Variants in PHF21A observed in about 807,000 individuals in gnomAD.
PHF21A encodes BHC80a.
In PHF21A, 11 loss-of-function variants were observed where a neutral mutation model predicts 82.5. The ratio of observed to expected loss-of-function variants is 0.13; its 90% CI spans 0.08 to 0.22. The LOEUF is 0.22. Ranked by LOEUF, PHF21A falls within the 10% of genes least tolerant of loss-of-function variation. The probability of loss-of-function intolerance (pLI) is 1.00; values close to 1 mark genes in which losing one functional copy is unlikely to be tolerated. For missense variants in PHF21A, 579 were observed against 837.8 expected (o/e 0.69, Z 3.81); for synonymous variants, 297 against 302.8 (o/e 0.98, Z 0.20).
At chr11:46,056,381 C>G (rs2096457185) in intron 6 of PHF21A, among the ~76,000 whole-genome samples, 1 of 152,022 alleles carries the variant, frequency 6.6e-6, no homozygotes, top group Non-Finnish European at 1.5e-5. Context: ...CCAATTATGT[C>G]TGGGTTAAAT....
intron 1 of PHF21A, among the ~76,000 whole-genome samples, chr11:46,109,043 G>A (rs1190524206): frequency 1.3e-5 from 2 of 152,066 alleles, no homozygotes; most frequent in Admixed American, 6.5e-5. Flanking sequence ...GCCTCAAAAT[G>A]ATACACTGTA....
chr11:45,946,048 AAG>A, intron 14 of PHF21A, 45 bp from the exon 15 acceptor site: 1 of 1,614,032 alleles, frequency 6.2e-7, no homozygotes, highest in Non-Finnish European at 8.5e-7. Context: ...CGGGGAGGGA[AAG>A]AGAGGGGGAA....
At chr11:46,108,587 A>AT (rs61091054) in intron 1 of PHF21A, among the ~76,000 whole-genome samples, 56,052 of 114,052 alleles carry the variant, frequency 0.49, 12,103 homozygotes, top group South Asian at 0.62. Flanking sequence ...ATATATATAT[A>AT]AAATACATAT....
intron 11 of PHF21A, among the ~76,000 whole-genome samples, chr11:45,951,108 T>G (rs2092050048): frequency 6.6e-6 from 1 of 152,244 alleles, no homozygotes. Context: ...ATTTCTATTC[T>G]TTTCTTTGCT....
intron 1 of PHF21A, among the ~76,000 whole-genome samples, chr11:46,108,827 T>C (rs1159123267): frequency 6.6e-6 from 1 of 152,122 alleles, no homozygotes; most frequent in African/African-American, 2.4e-5. Context: ...TTAAACTAAC[T>C]TACACTGTGC....
At chr11:46,041,733 A>G (rs2096145227) in intron 6 of PHF21A, among the ~76,000 whole-genome samples, 1 of 152,204 alleles carries the variant, frequency 6.6e-6, no homozygotes, top group Non-Finnish European at 1.5e-5. Flanking sequence ...AGTTCATAGT[A>G]TAGTGATCCC....
intron 1 of PHF21A, among the ~76,000 whole-genome samples, chr11:46,095,259 C>T (rs1437584947): frequency 3.3e-5 from 5 of 152,008 alleles, no homozygotes; most frequent in East Asian, 1.9e-4. Flanking sequence ...TCTATACACA[C>T]GTTTGTGCTT....
At chr11:46,038,886 T>C (rs1355285825) in intron 6 of PHF21A, among the ~76,000 whole-genome samples, 3 of 152,256 alleles carry the variant, frequency 2.0e-5, no homozygotes, top group East Asian at 1.9e-4. Context: ...TGCTGCCACA[T>C]TGGGGATTAA....
chr11:45,947,324 G>A (rs1274459574), intron 14 of PHF21A, among the ~76,000 whole-genome samples: 2 of 152,132 alleles, frequency 1.3e-5, no homozygotes, highest in African/African-American at 2.4e-5. Context: ...GGAAAAAAAA[G>A]GGCCAGAGAG....
At chr11:45,952,834 A>G (rs982157498) in intron 11 of PHF21A, among the ~76,000 whole-genome samples, 2 of 152,250 alleles carry the variant, frequency 1.3e-5, no homozygotes, top group African/African-American at 4.8e-5. Flanking sequence ...ATTCATCATC[A>G]TATTACCTGT....
intron 13 of PHF21A, 103 bp from the exon 14 acceptor site, chr11:45,949,049 C>T (rs1037268040): frequency 1.7e-5 from 15 of 877,130 alleles, no homozygotes; most frequent in Non-Finnish European, 2.9e-5. Flanking sequence ...AACATGCCGA[C>T]TAGTTAGTGC....
At position 45,948,855 on chromosome 11, in the gene PHF21A, C is replaced by G. The variant is rs781558985; in HGVS notation, c.1288+31G>C. The G allele has an allele frequency of 3.8e-6, 6 of 1,564,256 alleles. No homozygotes were observed. The South Asian group carries it at 6.7e-5, about 17-fold the overall frequency. On this transcript the variant is annotated intron_variant, in intron 14 of 18. Transcript: ENST00000676320. ...CACACACACAAAGCAAAAGCAACAG[C>G]AGCAAGGGAGAGATACAAAAAGGTC...
chr11:45,952,647 A>T (rs1012712436), intron 11 of PHF21A, among the ~76,000 whole-genome samples: 2 of 152,230 alleles, frequency 1.3e-5, no homozygotes, highest in Non-Finnish European at 2.9e-5. Flanking sequence ...TTCATATCAG[A>T]AAGAATTACA....
intron 1 of PHF21A, among the ~76,000 whole-genome samples, chr11:46,100,622 T>C (rs769235437): frequency 2.6e-5 from 4 of 152,204 alleles, no homozygotes; most frequent in Non-Finnish European, 5.9e-5. Context: ...AATAACATCA[T>C]AACATTAAAG....
At chr11:45,966,447 A>G (rs942527672) in intron 9 of PHF21A, among the ~76,000 whole-genome samples, 2 of 152,022 alleles carry the variant, frequency 1.3e-5, no homozygotes, top group African/African-American at 4.8e-5. Flanking sequence ...TCACTCCACT[A>G]TCTACTATCC....
At chr11:45,950,347 A>C in intron 11 of PHF21A, 90 bp from the exon 12 acceptor site, 1 of 1,059,774 alleles carries the variant, frequency 9.4e-7, no homozygotes, top group Non-Finnish European at 1.4e-6. Flanking sequence ...AGGGAAAGCC[A>C]GCCCAATGGG....
At chr11:46,109,203 T>C (rs2097184033) in intron 1 of PHF21A, among the ~76,000 whole-genome samples, 1 of 152,220 alleles carries the variant, frequency 6.6e-6, no homozygotes, top group Non-Finnish European at 1.5e-5. Flanking sequence ...GTATCATTTG[T>C]TACCTATGTG....
At chr11:46,102,907 A>T (rs990226174) in intron 1 of PHF21A, among the ~76,000 whole-genome samples, 1 of 152,208 alleles carries the variant, frequency 6.6e-6, no homozygotes, top group African/African-American at 2.4e-5. Flanking sequence ...TTTAAGAGAA[A>T]TAGAAATAAA....
intron 6 of PHF21A, among the ~76,000 whole-genome samples, chr11:46,002,998 A>G (rs1272947699): frequency 6.6e-6 from 1 of 152,208 alleles, no homozygotes; most frequent in Admixed American, 6.5e-5. Flanking sequence ...TTTTCTAAAG[A>G]TTGAATACTA....
Sources: allele counts gnomAD v4.1 joint callset (sites outside exome capture counted in the v4.1 genomes callset), GRCh38; gene constraint gnomAD v4.1.1; transcripts MANE v1.5; gene names NCBI Gene and HGNC (gene_info 2026-07-23, HGNC 2026-07-21).